The following C10orf90 variants were observed in gnomAD, a reference collection of about 807,000 sequenced individuals.
C10orf90 encodes (E2-independent) E3 ubiquitin-conjugating enzyme FATS.
In C10orf90, 56 loss-of-function variants were observed where a neutral mutation model predicts 62.5. The observed-to-expected ratio is 0.90, with a 90% CI of 0.72 to 1.12. The LOEUF (loss-of-function observed/expected upper bound fraction) is 1.12. Among genes scored for constraint, C10orf90 ranks in the 50% most tolerant of loss-of-function variants. The pLI is 0.00. For missense variants in C10orf90, 970 were observed against 880.4 expected (o/e 1.10, Z -1.29); for synonymous variants, 386 against 340.4 (o/e 1.13, Z -1.47).
At chr10:126,446,332 A>G (rs1051231860) in intron 7 of C10orf90, among the ~76,000 whole-genome samples, 3 of 152,168 alleles carry the variant, frequency 2.0e-5, no homozygotes, top group African/African-American at 7.2e-5. Context: ...AAGACATATC[A>G]TAATCAAACT....
intron 4 of C10orf90, among the ~76,000 whole-genome samples, chr10:126,486,873 TG>T (rs1164206041): frequency 6.6e-6 from 1 of 152,058 alleles, no homozygotes; most frequent in Non-Finnish European, 1.5e-5. Flanking sequence ...CCAGCAGCAC[TG>T]GCTCATGGCT....
intron 7 of C10orf90, among the ~76,000 whole-genome samples, chr10:126,434,258 C>T (rs7900906): frequency 0.58 from 88,478 of 151,936 alleles, 26,656 homozygotes; most frequent in East Asian, 0.69. Flanking sequence ...TCTGTGCACA[C>T]ACATACACAA....
At chr10:126,543,998 T>C (rs11815984) in intron 2 of C10orf90, among the ~76,000 whole-genome samples, 32,097 of 152,140 alleles carry the variant, frequency 0.21, 3,658 homozygotes, top group Middle Eastern at 0.33. Flanking sequence ...GCCCTGTGCT[T>C]CAGGGGTGGG....
At chr10:126,550,571 A>T (rs1451647857) in intron 2 of C10orf90, among the ~76,000 whole-genome samples, 1 of 151,948 alleles carries the variant, frequency 6.6e-6, no homozygotes, top group Non-Finnish European at 1.5e-5. Context: ...GTGCAGTGAC[A>T]CGATCTCAGC....
chr10:126,562,086 C>CT (rs2133988942), intron 2 of C10orf90, among the ~76,000 whole-genome samples: 1 of 152,288 alleles, frequency 6.6e-6, no homozygotes, highest in Non-Finnish European at 1.5e-5. Context: ...GCCCAAGTGG[C>CT]GACAGGCTGC....
chr10:126,486,499 C>T (rs1308637580), intron 4 of C10orf90, among the ~76,000 whole-genome samples: 2 of 151,986 alleles, frequency 1.3e-5, no homozygotes, highest in African/African-American at 4.8e-5. Flanking sequence ...ACACATATGC[C>T]TCAGATAAAA....
intron 2 of C10orf90, among the ~76,000 whole-genome samples, chr10:126,620,870 T>G (rs1845631290): frequency 6.6e-6 from 1 of 152,224 alleles, no homozygotes; most frequent in African/African-American, 2.4e-5. Context: ...TGATCTATAG[T>G]TCCAACTAGC....
At chr10:126,604,067 T>C (rs1472488335) in intron 2 of C10orf90, among the ~76,000 whole-genome samples, 1 of 152,184 alleles carries the variant, frequency 6.6e-6, no homozygotes, top group African/African-American at 2.4e-5. Context: ...GAACCCAAAG[T>C]GTGGCTTTTC....
At chr10:126,477,856 C>T (rs1259058502) in intron 4 of C10orf90, among the ~76,000 whole-genome samples, 1 of 152,176 alleles carries the variant, frequency 6.6e-6, no homozygotes, top group Non-Finnish European at 1.5e-5. Flanking sequence ...AAATCCTGTG[C>T]TGTAGTTCTT....
At chr10:126,496,595 C>T (rs1169579006) in intron 4 of C10orf90, 1 of 894,768 alleles carries the variant, frequency 1.1e-6, no homozygotes, top group Non-Finnish European at 1.3e-6. Context: ...TCCCCCGCCA[C>T]CCTCCACTTC....
At chr10:126,540,428 A>C (rs1289046192) in intron 2 of C10orf90, among the ~76,000 whole-genome samples, 2 of 152,128 alleles carry the variant, frequency 1.3e-5, no homozygotes, top group Non-Finnish European at 2.9e-5. Context: ...AGAGGCCAAG[A>C]CAGGAGGATC....
In C10orf90 at chr10:126,579,062, G is replaced by GT. The variant is rs148861193; in HGVS notation, c.314-65124dup. 8.4e-3 allele frequency among the ~76,000 whole-genome samples: 1,209 copies of GT among 143,464 alleles called. 15 individuals carry two copies. The highest frequency in any genetic ancestry group is 0.03 in the African/African-American group (1,110 of 37,566). The allele number at this position is 143,464 out of a possible 152,430, so 94.1% of individuals were successfully genotyped here. ...TATAGATAGTGTACTTCAATTAAAA[G>GT]TTTTTTTTTAAAAAAAAAAACCTAT... On this transcript the variant is annotated intron_variant, in intron 2 of 9. Transcript: ENST00000488181.
intron 3 of C10orf90, among the ~76,000 whole-genome samples, chr10:126,512,380 GTGTGTCTGTGTGTGTGTGTGTGTC>G (rs1474538681): frequency 4.5e-4 from 31 of 69,140 alleles, no homozygotes; most frequent in South Asian, 2.1e-3. Flanking sequence ...GTCTGTGTGT[GTGTGTCTGTGTGTGTGTGTGTGTC>G]TGTGTGTCTG....
intron 2 of C10orf90, among the ~76,000 whole-genome samples, chr10:126,569,999 A>G (rs1231041408): frequency 6.6e-6 from 1 of 152,248 alleles, no homozygotes; most frequent in African/African-American, 2.4e-5. Context: ...TAAATGATTC[A>G]TCGTAATCCT....
chr10:126,670,028 T>C (rs544583347), intron 1 of C10orf90, among the ~76,000 whole-genome samples: 1 of 152,342 alleles, frequency 6.6e-6, no homozygotes, highest in East Asian at 1.9e-4. Context: ...GTAAATTAAC[T>C]TCATCCGATA....
intron 4 of C10orf90, among the ~76,000 whole-genome samples, chr10:126,477,783 C>T (rs1860967725): frequency 6.6e-6 from 1 of 152,200 alleles, no homozygotes; most frequent in South Asian, 2.1e-4. Flanking sequence ...TTTTCAGCAG[C>T]TCTGCCATAC....
chr10:126,565,214 AATTTTT>A (rs1844329579), intron 2 of C10orf90, among the ~76,000 whole-genome samples: 8 of 51,982 alleles, frequency 1.5e-4, no homozygotes, highest in African/African-American at 5.0e-4. Context: ...TATGTAATAT[AATTTTT>A]ATATTACATA....
intron 2 of C10orf90, among the ~76,000 whole-genome samples, chr10:126,631,238 C>T (rs1845845033): frequency 1.3e-5 from 2 of 152,304 alleles, no homozygotes; most frequent in South Asian, 4.1e-4. Context: ...ACTGTTACCT[C>T]AGCCCTCCTC....
At chr10:126,536,531 A>G (rs1023108259) in intron 2 of C10orf90, among the ~76,000 whole-genome samples, 1 of 152,186 alleles carries the variant, frequency 6.6e-6, no homozygotes, top group Non-Finnish European at 1.5e-5. Flanking sequence ...CAGCTAAGCA[A>G]CCAGCTAAGA....
Sources: gnomAD v4.1 joint callset for allele counts (sites outside exome capture counted in the v4.1 genomes callset) on GRCh38, gnomAD v4.1.1 for gene constraint, MANE v1.5 for transcripts, NCBI Gene and HGNC (gene_info 2026-07-23, HGNC 2026-07-21) for gene names.